Variants in ZXDC observed in about 807,000 individuals in gnomAD.
ZXDC encodes the protein zinc finger protein ZXDC.
Under a neutral mutation model 63.6 loss-of-function variants are expected in ZXDC, and 58 were observed. The ratio of observed to expected loss-of-function variants is 0.91; its 90% CI spans 0.74 to 1.13. The LOEUF (loss-of-function observed/expected upper bound fraction) is 1.13, where lower values mean the gene tolerates loss of function less well. Ranked by LOEUF, ZXDC falls within the 50% of genes most tolerant of loss-of-function variation. The pLI is 0.00. For synonymous variants in ZXDC, 561 were observed against 496.1 expected, an observed-to-expected ratio of 1.13 and a Z score of -1.74; for missense variants, 1,133 against 1,148.9, an observed-to-expected ratio of 0.99 and a Z score of 0.20.
At position 126,475,392 on chromosome 3, in the gene ZXDC, G is replaced by A; in HGVS notation, c.474C>T (p.Ala158=). 3 of 1,216,370 alleles carry A rather than the reference G, an allele frequency of 2.5e-6. No individual in the cohort carries two copies. The highest frequency in any genetic ancestry group is 3.1e-6 in the Non-Finnish European group (3 of 974,426). 75.3% of individuals were successfully genotyped at this position (1,216,370 alleles called of 1,614,324 possible). A position where few individuals can be genotyped will look rare whatever the true frequency, so the allele number is the denominator to read the frequency against. ...SAPPGPATAG[A]AAPRRAPQAS... is the part of the protein sequence containing the mutation. ...CCTGGGGCGCGCGGCGGGGAGCGGCGGCGCCCGCGGTTGCGGGGCCGGGCG... is the reference window on the plus strand; with the variant it reads ...CCTGGGGCGCGCGGCGGGGAGCGGCAGCGCCCGCGGTTGCGGGGCCGGGCG... The change falls in exon 1 of 10, where the codon GCC becomes GCT. Residue 158 remains alanine, a synonymous_variant. Coordinates refer to ENST00000389709, the MANE Select transcript of ZXDC (RefSeq NM_025112.5).
chr3:126,445,975 G>A (rs991153933), intron 7 of ZXDC, among the ~76,000 whole-genome samples: 4 of 152,130 alleles, frequency 2.6e-5, no homozygotes, highest in Non-Finnish European at 2.9e-5. Context: ...TCCACACCAC[G>A]TCCTCACGAT....
intron 6 of ZXDC, chr3:126,460,292 G>T: frequency 1.9e-6 from 1 of 529,690 alleles, no homozygotes; most frequent in Non-Finnish European, 2.4e-6. Flanking sequence ...GCTGTTGCAA[G>T]TCTGTGAACG....
intron 7 of ZXDC, among the ~76,000 whole-genome samples, chr3:126,452,781 C>T (rs1316546536): frequency 2.0e-5 from 3 of 151,612 alleles, no homozygotes; most frequent in Non-Finnish European, 4.4e-5. Flanking sequence ...TTACTGTCAC[C>T]CAGGCTAGAG....
rs1271695019 is a variant in ZXDC at position 126,475,439 on chromosome 3, C to G, written c.427G>C (p.Gly143Arg). Reference sequence around the variant, plus strand: ...GGCGGCGCAGACAGCGCGAGGACGCCGCGGTCGAGACGCACCAGCAGGTCC... The same window carrying G: ...GGCGGCGCAGACAGCGCGAGGACGCGGCGGTCGAGACGCACCAGCAGGTCC... ...SQDLLVRLDR[G>R]VLALSAPPGP... is the part of the protein sequence containing the mutation. The change falls in exon 1 of 10, where the codon GGC (glycine) becomes CGC (arginine). Residue 143 changes from glycine to arginine, a missense_variant. By Grantham distance (125) the Gly-to-Arg change is moderately radical. Transcript: ENST00000389709. The G allele has an allele frequency of 8.4e-7, 1 of 1,189,314 alleles. No homozygotes were observed. The highest frequency in any genetic ancestry group is 1.0e-6 in the Non-Finnish European group (1 of 962,706). The allele number at this position is 1,189,314 out of a possible 1,614,324, so 73.7% of individuals were successfully genotyped here. A position where few individuals can be genotyped will look rare whatever the true frequency, so the allele number is the denominator to read the frequency against.
rs1560086880 is a variant in ZXDC at position 126,439,690 on chromosome 3, CGGGCCGA to C, written c.2425_2431del (p.Ser809AlafsTer62). Reference sequence around the variant, plus strand: ...GAAGGGGAGGAAGGTGGCTGGGCCGCGGGCCGAGGGCAGGACACCTTCGCCGGAGGGG... The same window carrying C: ...GAAGGGGAGGAAGGTGGCTGGGCCGCGGGCAGGACACCTTCGCCGGAGGGG... On this transcript the variant is annotated frameshift_variant, in exon 9 of 10. Transcript: ENST00000389709. LOFTEE classifies it high-confidence loss of function. 6.4e-6 allele frequency: 10 copies of C among 1,552,764 alleles called. No homozygotes were observed. The highest frequency in any genetic ancestry group is 7.8e-6 in the Non-Finnish European group (9 of 1,147,478).
chr3:126,469,947 C>G (rs547145154), intron 4 of ZXDC, among the ~76,000 whole-genome samples: 1 of 152,170 alleles, frequency 6.6e-6, no homozygotes. Context: ...GTAAGGAAAC[C>G]AAGGCCCAGA....
At position 126,475,823 on chromosome 3, in the gene ZXDC, C is replaced by T; in HGVS notation, c.43G>A (p.Gly15Arg). 1 of 1,083,922 alleles carries T rather than the reference C, an allele frequency of 9.2e-7. No individual in the cohort carries two copies. The highest frequency in any genetic ancestry group is 4.3e-5 in the South Asian group (1 of 23,014). 67.1% of individuals were successfully genotyped at this position (1,083,922 alleles called of 1,614,324 possible). A position where few individuals can be genotyped will look rare whatever the true frequency, so the allele number is the denominator to read the frequency against. The change falls in exon 1 of 10, where the codon GGG becomes AGG. Residue 15 changes from glycine to arginine, a missense_variant. Coordinates refer to ENST00000389709, the MANE Select transcript of ZXDC (RefSeq NM_025112.5). ...GGGCCGGGGCCGCCGCCATGTTGCC[C>T]TCCGCGCGCAGTCGGGGCGGGGAGC... is the stretch of plus-strand genomic sequence containing the variant. ...ALLPAPTARG[G>R]QHGGGPGPLR...
At chr3:126,438,770 C>T (rs962797605) in intron 9 of ZXDC, among the ~76,000 whole-genome samples, 6 of 152,228 alleles carry the variant, frequency 3.9e-5, no homozygotes, top group Non-Finnish European at 5.9e-5. Flanking sequence ...GCACTTCTCA[C>T]GCGGTGAGCA....
intron 7 of ZXDC, among the ~76,000 whole-genome samples, chr3:126,457,089 A>G (rs933696300): frequency 2.6e-5 from 4 of 152,252 alleles, no homozygotes; most frequent in Non-Finnish European, 5.9e-5. Flanking sequence ...ACCAGACCAG[A>G]GGAGACGGGG....
chr3:126,461,779 G>A lies in ZXDC; in HGVS notation c.1883C>T (p.Thr628Ile). The change falls in exon 6 of 10, where the codon ACC becomes ATC. Residue 628 changes from threonine (T) to isoleucine (I), a missense_variant. Physicochemically the swap from Thr to Ile is moderately conservative, Grantham distance 89. Coordinates refer to ENST00000389709, the MANE Select transcript of ZXDC (RefSeq NM_025112.5). Reference protein sequence around the residue: ...KNLSDDPLALTSNSNLAAHIT... With the variant: ...KNLSDDPLALISNSNLAAHIT... ...ATGTGCTGCTAAGTTACTATTGGAGGTCAAAGCCAGTGGGTCGTCACTCAA... is the reference window on the plus strand; with the variant it reads ...ATGTGCTGCTAAGTTACTATTGGAGATCAAAGCCAGTGGGTCGTCACTCAA... 1 of 1,614,088 alleles carries A rather than the reference G, an allele frequency of 6.2e-7. No individual in the cohort carries two copies. The highest frequency in any genetic ancestry group is 8.5e-7 in the Non-Finnish European group (1 of 1,180,002).
chr3:126,468,234 C>T (rs1203813483), intron 4 of ZXDC, among the ~76,000 whole-genome samples: 1 of 152,082 alleles, frequency 6.6e-6, no homozygotes, highest in Non-Finnish European at 1.5e-5. Flanking sequence ...GCACACATAG[C>T]CCCGAGGCCG....
intron 7 of ZXDC, among the ~76,000 whole-genome samples, chr3:126,449,130 C>T (rs563513422): frequency 1.1e-3 from 171 of 152,170 alleles, no homozygotes; most frequent in African/African-American, 3.9e-3. Flanking sequence ...CACACAAAGC[C>T]CTGCCACTCT....
At chr3:126,446,640 A>G (rs975467359) in intron 7 of ZXDC, among the ~76,000 whole-genome samples, 5 of 152,174 alleles carry the variant, frequency 3.3e-5, no homozygotes, top group African/African-American at 1.2e-4. Context: ...GAGGTAAGTG[A>G]CTATTTTCCC....
chr3:126,455,252 A>G (rs549817585), intron 7 of ZXDC: 2 of 218,984 alleles, frequency 9.1e-6, no homozygotes, highest in African/African-American at 4.7e-5. Context: ...CCACTTAGAT[A>G]TATTTTGCTG....
rs563506696 is a variant in ZXDC, at chr3:126,438,543, A to T, written c.2491-82T>A. ...TGTGGCTCCACACAGCAGGACACTG[A>T]CCAGGCCCGTGGTGAGATACCTGAC... On this transcript the variant is annotated intron_variant, in intron 9 of 9. Coordinates refer to ENST00000389709, the MANE Select transcript of ZXDC (RefSeq NM_025112.5). 747 of 1,307,838 alleles carry T rather than the reference A, an allele frequency of 5.7e-4. 1 individual carries two copies. Among genetic ancestry groups the T allele is most frequent in the Middle Eastern group, 1.7e-3 (9 of 5,354 alleles). 81.0% of individuals were successfully genotyped at this position (1,307,838 alleles called of 1,614,324 possible). A position where few individuals can be genotyped will look rare whatever the true frequency, so the allele number is the denominator to read the frequency against.
chr3:126,457,356 C>T (rs1188956763), intron 7 of ZXDC: 1 of 985,320 alleles, frequency 1.0e-6, no homozygotes, highest in African/African-American at 1.7e-5. Flanking sequence ...AAAACCACAG[C>T]AGACCCATGG....
At chr3:126,471,863 CTTT>C in intron 3 of ZXDC, 107 bp downstream of exon 3, 10 of 984,446 alleles carry the variant, frequency 1.0e-5, no homozygotes, top group Non-Finnish European at 1.4e-5. Flanking sequence ...CACTGAGCTC[CTTT>C]TTTAACAACT....
intron 8 of ZXDC, chr3:126,440,113 C>T: frequency 9.7e-7 from 1 of 1,029,012 alleles, no homozygotes; most frequent in African/African-American, 1.7e-5. Flanking sequence ...TCCTCGGGCC[C>T]CACAGAGGGC....
intron 9 of ZXDC, 86 bp from the exon 10 acceptor site, chr3:126,438,547 G>T: frequency 8.1e-7 from 1 of 1,236,268 alleles, no homozygotes; most frequent in Non-Finnish European, 1.1e-6. Context: ...ACACTGACCA[G>T]GCCCGTGGTG....
Sources: gnomAD v4.1 joint callset for allele counts (sites outside exome capture counted in the v4.1 genomes callset) on GRCh38, gnomAD v4.1.1 for gene constraint, MANE v1.5 for transcripts, NCBI Gene and HGNC (gene_info 2026-07-23, HGNC 2026-07-21) for gene names.